Variants in MEIS2 observed in about 807,000 individuals in gnomAD.
The protein encoded by MEIS2 is homeobox protein Meis2.
MEIS2 carries 9 observed loss-of-function variants against 58.6 expected under a neutral mutation model. That is an observed-to-expected ratio of 0.15 (90% confidence interval 0.09 to 0.27). The LOEUF (loss-of-function observed/expected upper bound fraction) is 0.27, where lower values mean the gene tolerates loss of function less well. Ranked by LOEUF, MEIS2 falls within the 10% of genes least tolerant of loss-of-function variation. The probability of loss-of-function intolerance (pLI) is 1.00; values close to 1 mark genes in which losing one functional copy is unlikely to be tolerated. For synonymous variants in MEIS2, 221 were observed against 228.4 expected (o/e 0.97, Z 0.29); for missense variants, 427 against 635.0 (o/e 0.67, Z 3.52).
intron 7 of MEIS2, among the ~76,000 whole-genome samples, chr15:37,055,464 A>C (rs79238367): frequency 0.02 from 3,096 of 152,216 alleles, 112 homozygotes; most frequent in African/African-American, 0.071. Flanking sequence ...TGTTTTCCTC[A>C]TGAGAATGTG....
At chr15:37,006,200 G>C (rs986056222) in intron 8 of MEIS2, among the ~76,000 whole-genome samples, 16 of 152,072 alleles carry the variant, frequency 1.1e-4, no homozygotes, top group African/African-American at 3.4e-4. Context: ...GCTGACTTTT[G>C]ATAGTGATTC....
chr15:36,959,173 T>C (rs1028208408), intron 8 of MEIS2, among the ~76,000 whole-genome samples: 1 of 152,140 alleles, frequency 6.6e-6, no homozygotes, highest in Non-Finnish European at 1.5e-5. Context: ...GTCCCTGATT[T>C]CTCCAGTGAA....
chr15:37,035,485 A>G (rs1483135760), intron 8 of MEIS2, among the ~76,000 whole-genome samples: 1 of 152,100 alleles, frequency 6.6e-6, no homozygotes, highest in African/African-American at 2.4e-5. Flanking sequence ...CTTAGGACTC[A>G]TTATTTTGTC....
At chr15:37,061,639 A>C (rs1399287250) in intron 7 of MEIS2, among the ~76,000 whole-genome samples, 2 of 152,158 alleles carry the variant, frequency 1.3e-5, no homozygotes, top group African/African-American at 2.4e-5. Flanking sequence ...AAAATCTTTC[A>C]ATACTTGCCT....
At chr15:37,054,467 A>G (rs1248053774) in intron 7 of MEIS2, among the ~76,000 whole-genome samples, 2 of 152,136 alleles carry the variant, frequency 1.3e-5, no homozygotes, top group African/African-American at 4.8e-5. Flanking sequence ...CCCAGGCTGG[A>G]CTGCCGTGGA....
At chr15:37,092,159 G>A (rs1269961962) in intron 6 of MEIS2, among the ~76,000 whole-genome samples, 1 of 152,148 alleles carries the variant, frequency 6.6e-6, no homozygotes, top group Non-Finnish European at 1.5e-5. Context: ...ATAAGAATAG[G>A]AGCCTTCAAC....
At chr15:36,995,956 G>GATATATATATATATATATATAT (rs539738718) in intron 8 of MEIS2, among the ~76,000 whole-genome samples, 1 of 112,962 alleles carries the variant, frequency 8.9e-6, no homozygotes, top group African/African-American at 3.3e-5. Context: ...TCTAGTCTGA[G>GATATATATATATATATATATAT]ATATATATAT....
intron 9 of MEIS2, among the ~76,000 whole-genome samples, chr15:36,937,775 C>CAA (rs200058541): frequency 1.7e-4 from 25 of 150,434 alleles, no homozygotes; most frequent in African/African-American, 5.8e-4. Context: ...AACAAACAAA[C>CAA]AAAAAAAAAC....
chr15:36,896,447 A>T (rs974397310), intron 10 of MEIS2, among the ~76,000 whole-genome samples, 181 bp downstream of exon 10: 2 of 152,122 alleles, frequency 1.3e-5, no homozygotes, highest in African/African-American at 4.8e-5. Flanking sequence ...AGGGTGGGAA[A>T]TCTCCAATTA....
intron 9 of MEIS2, among the ~76,000 whole-genome samples, chr15:36,940,592 G>A (rs910671689): frequency 6.6e-6 from 1 of 152,176 alleles, no homozygotes; most frequent in Non-Finnish European, 1.5e-5. Flanking sequence ...GGGAGCAGGA[G>A]AGATTCTCTC....
chr15:36,929,280 T>C (rs575698538), intron 9 of MEIS2, among the ~76,000 whole-genome samples: 1 of 152,346 alleles, frequency 6.6e-6, no homozygotes, highest in South Asian at 2.1e-4. Flanking sequence ...AAGGAAGAAG[T>C]GGAGGAACCA....
intron 8 of MEIS2, among the ~76,000 whole-genome samples, chr15:37,016,649 AT>A (rs1393565586): frequency 6.6e-6 from 1 of 152,200 alleles, no homozygotes; most frequent in African/African-American, 2.4e-5. Context: ...AATTCCTACT[AT>A]TATGCATATA....
intron 7 of MEIS2, among the ~76,000 whole-genome samples, chr15:37,050,027 A>G (rs1324351941): frequency 6.6e-6 from 1 of 152,212 alleles, no homozygotes; most frequent in Non-Finnish European, 1.5e-5. Context: ...TATGCATTAT[A>G]GAATATATTA....
At chr15:36,987,490 T>C (rs986736213) in intron 8 of MEIS2, among the ~76,000 whole-genome samples, 1 of 151,930 alleles carries the variant, frequency 6.6e-6, no homozygotes, top group Non-Finnish European at 1.5e-5. Context: ...CAAGCCCTTC[T>C]TGGGGTGAAA....
At chr15:36,931,140 C>A (rs998934939) in intron 9 of MEIS2, among the ~76,000 whole-genome samples, 1 of 152,086 alleles carries the variant, frequency 6.6e-6, no homozygotes, top group East Asian at 1.9e-4. Context: ...AAATATAACT[C>A]ATCTTAAAGT....
chr15:37,069,934 G>T (rs1890468203), intron 7 of MEIS2, among the ~76,000 whole-genome samples: 1 of 151,954 alleles, frequency 6.6e-6, no homozygotes, highest in African/African-American at 2.4e-5. Context: ...CTCCAAATGA[G>T]GAAAGATTGT....
chr15:37,001,818 T>C (rs917927354), intron 8 of MEIS2, among the ~76,000 whole-genome samples: 1 of 152,188 alleles, frequency 6.6e-6, no homozygotes, highest in South Asian at 2.1e-4. Flanking sequence ...GAATAAGAGG[T>C]TCGATATACA....
intron 7 of MEIS2, among the ~76,000 whole-genome samples, chr15:37,074,769 G>C (rs1170876811): frequency 1.3e-5 from 2 of 151,948 alleles, no homozygotes; most frequent in Non-Finnish European, 2.9e-5. Context: ...CAGATATTGA[G>C]TAAAACTGGG....
intron 8 of MEIS2, among the ~76,000 whole-genome samples, chr15:37,014,045 G>C (rs1170719094): frequency 2.0e-5 from 3 of 152,182 alleles, no homozygotes; most frequent in Admixed American, 1.3e-4. Flanking sequence ...AATTTTGGAG[G>C]CTTTGAGTGG....
Sources: allele counts gnomAD v4.1 joint callset (sites outside exome capture counted in the v4.1 genomes callset), GRCh38; gene constraint gnomAD v4.1.1; transcripts MANE v1.5; gene names NCBI Gene and HGNC (gene_info 2026-07-23, HGNC 2026-07-21).